Variants in CCDC12 observed in about 807,000 individuals in gnomAD.
CCDC12 encodes the protein coiled-coil domain containing 12.
Under a neutral mutation model 25.7 loss-of-function variants are expected in CCDC12, and 28 were observed. The observed-to-expected ratio is 1.09, with a 90% CI of 0.81 to 1.50. CCDC12 has a LOEUF of 1.50. Among genes scored for constraint, CCDC12 ranks in the 40% most tolerant of loss-of-function variants. The probability of loss-of-function intolerance (pLI) is 0.00; values close to 1 mark genes in which losing one functional copy is unlikely to be tolerated. For missense variants in CCDC12, 198 were observed against 210.0 expected (o/e 0.94, Z 0.35); for synonymous variants, 75 against 87.7 (o/e 0.86, Z 0.81).
chr3:46,940,454 C>T (rs1387504193), intron 2 of CCDC12, among the ~76,000 whole-genome samples: 1 of 152,180 alleles, frequency 6.6e-6, no homozygotes, highest in Non-Finnish European at 1.5e-5. Context: ...ACGAGAAAGG[C>T]GCCCTTTGAG....
At chr3:46,968,095 AG>A (rs1197279826) in intron 1 of CCDC12, among the ~76,000 whole-genome samples, 1 of 152,166 alleles carries the variant, frequency 6.6e-6, no homozygotes, top group African/African-American at 2.4e-5. Context: ...GGCTCACCAT[AG>A]GTATGTGTTG....
intron 1 of CCDC12, among the ~76,000 whole-genome samples, chr3:46,972,657 G>A (rs1037563891): frequency 1.3e-5 from 2 of 151,888 alleles, no homozygotes; most frequent in Non-Finnish European, 2.9e-5. Flanking sequence ...AAGATGGCTG[G>A]GCTTGGTGGC....
At chr3:46,964,492 G>T (rs1160740839) in intron 1 of CCDC12, among the ~76,000 whole-genome samples, 6 of 152,262 alleles carry the variant, frequency 3.9e-5, no homozygotes, top group Non-Finnish European at 5.9e-5. Flanking sequence ...TGACAATGGC[G>T]GTTTTGAGGA....
intron 5 of CCDC12, 38 bp downstream of exon 5, chr3:46,923,291 G>A (rs758042645): frequency 1.2e-5 from 17 of 1,461,022 alleles, no homozygotes; most frequent in East Asian, 7.4e-5. Flanking sequence ...AAGAGTCCCC[G>A]AGTCAGCCTG....
rs1434855564 is a variant in CCDC12 at position 46,964,542 on chromosome 3, G to A, written c.96+12095C>T. Among the ~76,000 whole-genome samples, 17 of 152,354 alleles carry A rather than the reference G, an allele frequency of 1.1e-4. No homozygotes were observed. The East Asian group carries it at 2.9e-3, about 26-fold the overall frequency. ...AAGGTGGGGAAAAGATTGAGAAATCGGATGGTTGCTGTGTCTGTGTAGAAA... is the reference window on the plus strand; with the variant it reads ...AAGGTGGGGAAAAGATTGAGAAATCAGATGGTTGCTGTGTCTGTGTAGAAA... On this transcript the variant is annotated intron_variant, in intron 1 of 6. Transcript: ENST00000683445.
At chr3:46,980,374 T>G (rs1055320583), upstream of CCDC12, among the ~76,000 whole-genome samples, 2 of 151,554 alleles carry the variant, frequency 1.3e-5, no homozygotes, top group Non-Finnish European at 2.9e-5. Context: ...GGTCTGGGGG[T>G]GTGGGCCAAG....
intron 1 of CCDC12, among the ~76,000 whole-genome samples, chr3:46,972,494 C>T (rs1286459714): frequency 6.6e-6 from 1 of 152,082 alleles, no homozygotes; most frequent in African/African-American, 2.4e-5. Flanking sequence ...AATCTGGATA[C>T]TTCTTCAAAG....
At chr3:46,944,581 C>G (rs1044405437) in intron 1 of CCDC12, among the ~76,000 whole-genome samples, 2 of 151,898 alleles carry the variant, frequency 1.3e-5, no homozygotes, top group African/African-American at 4.9e-5. Flanking sequence ...CTTCCCAAAT[C>G]TTGCCATCTT....
At chr3:46,963,981 T>C (rs1311507339) in intron 1 of CCDC12, among the ~76,000 whole-genome samples, 7 of 150,670 alleles carry the variant, frequency 4.6e-5, no homozygotes, top group Non-Finnish European at 7.4e-5. Flanking sequence ...GAGCGCCTCT[T>C]CCCGGCCGCC....
intron 1 of CCDC12, among the ~76,000 whole-genome samples, chr3:46,951,825 T>TATATA (rs1559559184): frequency 0.01 from 312 of 29,934 alleles, 40 homozygotes; most frequent in South Asian, 0.022. Flanking sequence ...ATATATATAC[T>TATATA]TAATGAGGAT....
At chr3:46,962,229 T>C (rs554001562) in intron 1 of CCDC12, among the ~76,000 whole-genome samples, 2 of 150,294 alleles carry the variant, frequency 1.3e-5, no homozygotes, top group African/African-American at 4.9e-5. Context: ...AGGTCAGGAG[T>C]TCAAGACCAG....
chr3:46,948,309 A>C (rs1350495984), intron 1 of CCDC12, among the ~76,000 whole-genome samples: 1 of 152,212 alleles, frequency 6.6e-6, no homozygotes, highest in Non-Finnish European at 1.5e-5. Flanking sequence ...TGTGTTCCCT[A>C]AAGGCTTCTG....
At chr3:46,963,412 CTCACGGTCTCCCTCTCCCTCTCCTCA>C (rs2034522666) in intron 1 of CCDC12, among the ~76,000 whole-genome samples, 2 of 2,428 alleles carry the variant, frequency 8.2e-4, no homozygotes, top group African/African-American at 1.1e-3. Flanking sequence ...TCTCCCTCTC[CTCACGGTCTCCCTCTCCCTCTCCTCA>C]CGGTCTCCCT....
chr3:46,965,189 T>C (rs2034603347), intron 1 of CCDC12, among the ~76,000 whole-genome samples: 1 of 152,156 alleles, frequency 6.6e-6, no homozygotes, highest in African/African-American at 2.4e-5. Flanking sequence ...GCAAATTCTT[T>C]TGTTGCAAAA....
intron 2 of CCDC12, among the ~76,000 whole-genome samples, chr3:46,930,853 CCT>C (rs1367868529): frequency 2.0e-5 from 3 of 152,158 alleles, no homozygotes; most frequent in Non-Finnish European, 2.9e-5. Flanking sequence ...GCCCCACTTG[CCT>C]CTCTACCCTC....
intron 2 of CCDC12, among the ~76,000 whole-genome samples, chr3:46,926,702 A>G (rs1174311814): frequency 3.9e-5 from 6 of 152,292 alleles, no homozygotes; most frequent in Middle Eastern, 6.8e-3. Context: ...ACAGACCCCT[A>G]GCCCCAGGGG....
At chr3:46,926,070 G>A (rs967218208) in intron 2 of CCDC12, among the ~76,000 whole-genome samples, 8 of 152,362 alleles carry the variant, frequency 5.3e-5, no homozygotes, top group African/African-American at 1.4e-4. Context: ...CATGGAATAC[G>A]CCTCAACTAC....
chr3:46,969,232 C>T (rs1374988074), intron 1 of CCDC12, among the ~76,000 whole-genome samples: 1 of 152,150 alleles, frequency 6.6e-6, no homozygotes, highest in African/African-American at 2.4e-5. Flanking sequence ...CAGGGACCCT[C>T]CCTAGTACTC....
chr3:46,971,441 G>T (rs1332805248), intron 1 of CCDC12, among the ~76,000 whole-genome samples: 3 of 152,202 alleles, frequency 2.0e-5, no homozygotes, highest in Admixed American at 2.0e-4. Context: ...GCTCTCCTCA[G>T]CCTCTTGCCT....
Sources: allele counts gnomAD v4.1 joint callset (sites outside exome capture counted in the v4.1 genomes callset), GRCh38; gene constraint gnomAD v4.1.1; transcripts MANE v1.5; gene names NCBI Gene and HGNC (gene_info 2026-07-23, HGNC 2026-07-21).